SLC25A48: variants seen among roughly 807,000 people sequenced by gnomAD.
SLC25A48 encodes solute carrier family 25 member 48.
Under a neutral mutation model 32.2 loss-of-function variants are expected in SLC25A48, and 29 were observed. The observed-to-expected ratio is 0.90, with a 90% confidence interval of 0.67 to 1.23. SLC25A48 has a LOEUF of 1.23. SLC25A48 is among the 50% of genes most tolerant of loss of function. The pLI is 0.00. For missense variants in SLC25A48, 399 were observed against 422.7 expected, an observed-to-expected ratio of 0.94 and a Z score of 0.49; for synonymous variants, 164 against 172.3, an observed-to-expected ratio of 0.95 and a Z score of 0.38.
At chr5:135,604,151 A>T (rs1018119666) in intron 1 of SLC25A48, among the ~76,000 whole-genome samples, 7 of 152,306 alleles carry the variant, frequency 4.6e-5, no homozygotes, top group Non-Finnish European at 1.0e-4. Context: ...AGCAAGCTTT[A>T]AGAAACCTCA....
At chr5:135,796,110 C>A (rs996405544) in intron 3 of SLC25A48, among the ~76,000 whole-genome samples, 6 of 151,340 alleles carry the variant, frequency 4.0e-5, no homozygotes, top group Non-Finnish European at 7.4e-5. Context: ...GTACAGCCCC[C>A]CTGATATGTT....
chr5:135,837,800 A>G (rs928735697), intron 1 of SLC25A48, among the ~76,000 whole-genome samples: 1 of 152,250 alleles, frequency 6.6e-6, no homozygotes, highest in Non-Finnish European at 1.5e-5. Context: ...TGAGTCAATT[A>G]AATCTCTTTC....
rs1339298678 is a variant in SLC25A48 at position 135,781,787 on chromosome 5, C to G, written c.-520-30736C>G. On this transcript the variant is annotated intron_variant, in intron 3 of 10. Coordinates refer to the SLC25A48 transcript ENST00000646290. ...ATCCATGGGAAAGAGGATGATATTA[C>G]TGTCAATATCACAGGAAGTGTACAC... Among the ~76,000 whole-genome samples, 2 of 116,492 alleles carry G rather than the reference C, an allele frequency of 1.7e-5. 1 individual carries two copies. The highest frequency in any genetic ancestry group is 5.2e-5 in the African/African-American group (2 of 38,456). The allele number at this position is 116,492 out of a possible 152,430, so 76.4% of individuals were successfully genotyped here. A position where few individuals can be genotyped will look rare whatever the true frequency, so the allele number is the denominator to read the frequency against.
intron 3 of SLC25A48, among the ~76,000 whole-genome samples, chr5:135,683,937 G>A (rs889712178): frequency 1.3e-5 from 2 of 152,082 alleles, no homozygotes; most frequent in African/African-American, 4.8e-5. Flanking sequence ...TGGTAAACAT[G>A]AGCTCTGGTT....
chr5:135,867,052 C>G (rs968446714), intron 4 of SLC25A48, among the ~76,000 whole-genome samples: 7 of 152,084 alleles, frequency 4.6e-5, no homozygotes, highest in Non-Finnish European at 1.0e-4. Flanking sequence ...AGAGAGGCAG[C>G]AAAAGTTGGT....
intron 4 of SLC25A48, among the ~76,000 whole-genome samples, chr5:135,855,118 A>G (rs1039058782): frequency 6.6e-6 from 1 of 152,228 alleles, no homozygotes; most frequent in Non-Finnish European, 1.5e-5. Flanking sequence ...AGCATCAAAG[A>G]TCACAGATCA....
At chr5:135,723,380 T>TCACACACACACA (rs138387748) in intron 3 of SLC25A48, among the ~76,000 whole-genome samples, 2,716 of 111,658 alleles carry the variant, frequency 0.024, 43 homozygotes, top group East Asian at 0.045. Context: ...TCTCTCTCTC[T>TCACACACACACA]CACACACACA....
At chr5:135,747,843 T>C (rs889902420) in intron 3 of SLC25A48, among the ~76,000 whole-genome samples, 1 of 152,252 alleles carries the variant, frequency 6.6e-6, no homozygotes, top group African/African-American at 2.4e-5. Context: ...TGTCCTTTTA[T>C]AGTCCTACTG....
chr5:135,878,489 G>A (rs535165317), intron 6 of SLC25A48, among the ~76,000 whole-genome samples: 18 of 152,326 alleles, frequency 1.2e-4, no homozygotes, highest in East Asian at 3.9e-4. Flanking sequence ...TGAACAGCTC[G>A]AGGGCTTGGC....
chr5:135,716,384 C>T (rs564299141), intron 3 of SLC25A48, among the ~76,000 whole-genome samples: 6 of 152,308 alleles, frequency 3.9e-5, no homozygotes, highest in Admixed American at 3.3e-4. Flanking sequence ...TATGGGCCAG[C>T]AGGTGCATGG....
chr5:135,872,122 G>A, intron 5 of SLC25A48: 1 of 688,382 alleles, frequency 1.5e-6, no homozygotes, highest in Non-Finnish European at 2.0e-6. Context: ...GTCCAGAAAT[G>A]TTAAGTAGCC....
intron 6 of SLC25A48, among the ~76,000 whole-genome samples, 170 bp from the exon 7 acceptor site, chr5:135,879,798 A>G (rs1762327269): frequency 6.6e-6 from 1 of 152,202 alleles, no homozygotes; most frequent in Non-Finnish European, 1.5e-5. Flanking sequence ...GGGTCAGGGC[A>G]GGGCATGACT....
rs552046925 is a variant in SLC25A48, at chr5:135,658,262, G to A, written c.-521+23306G>A. On this transcript the variant is annotated intron_variant, in intron 3 of 10. Transcript: ENST00000646290. The stretch of plus-strand genomic sequence containing the variant: ...CTCCCATTCCAAAAGGGAGAAATTA[G>A]TCAAAACAAAGGAGCTACAGGCTCT... 7.9e-5 allele frequency among the ~76,000 whole-genome samples: 12 copies of A among 152,308 alleles called. No individual in the cohort carries two copies. In the East Asian group the frequency reaches 2.3e-3, roughly 29 times the overall value.
intron 1 of SLC25A48, among the ~76,000 whole-genome samples, chr5:135,626,546 G>T (rs574143050): frequency 1.3e-5 from 2 of 152,326 alleles, no homozygotes; most frequent in South Asian, 2.1e-4. Flanking sequence ...CAGCATATAT[G>T]TGTGTGCATA....
intron 3 of SLC25A48, among the ~76,000 whole-genome samples, chr5:135,766,745 G>A (rs1042698062): frequency 6.6e-6 from 1 of 151,060 alleles, no homozygotes; most frequent in East Asian, 2.0e-4. Flanking sequence ...ATCCCCAGGA[G>A]TGTATACACC....
At chr5:135,874,723 G>T in intron 6 of SLC25A48, 1 of 702,126 alleles carries the variant, frequency 1.4e-6, no homozygotes, top group Non-Finnish European at 2.6e-6. Flanking sequence ...CAGCTCAAGA[G>T]CTTAACTTAA....
chr5:135,786,517 C>T (rs1756852773), intron 3 of SLC25A48, among the ~76,000 whole-genome samples: 1 of 152,052 alleles, frequency 6.6e-6, no homozygotes, highest in Admixed American at 6.6e-5. Context: ...GTCTTAATGT[C>T]ACCGTGGCTG....
chr5:135,815,830 CAG>C (rs1561506290), intron 4 of SLC25A48, among the ~76,000 whole-genome samples: 1 of 152,172 alleles, frequency 6.6e-6, no homozygotes, highest in African/African-American at 2.4e-5. Context: ...GATATTTAAA[CAG>C]ACTCATATTT....
chr5:135,749,434 A>T (rs1755719018), intron 3 of SLC25A48, among the ~76,000 whole-genome samples: 1 of 152,110 alleles, frequency 6.6e-6, no homozygotes, highest in Admixed American at 6.5e-5. Context: ...CAGAGCCTAG[A>T]TTGCAAAGCA....
Sources: allele counts gnomAD v4.1 joint callset (sites outside exome capture counted in the v4.1 genomes callset), GRCh38; gene constraint gnomAD v4.1.1; transcripts MANE v1.5; gene names NCBI Gene and HGNC (gene_info 2026-07-23, HGNC 2026-07-21).